Variants in CGN observed in about 807,000 individuals in gnomAD.
CGN encodes the protein cingulin.
CGN carries 121 observed loss-of-function variants against 157.1 expected under a neutral mutation model. That is an observed-to-expected ratio of 0.77 (90% CI 0.66 to 0.90). The LOEUF (loss-of-function observed/expected upper bound fraction) is 0.90, where lower values mean the gene tolerates loss of function less well. Ranked by LOEUF, CGN falls within the 40% of genes least tolerant of loss-of-function variation. The probability of loss-of-function intolerance (pLI) is 0.00; values close to 1 mark genes in which losing one functional copy is unlikely to be tolerated. For missense variants in CGN, 1,424 were observed against 1,520.9 expected, an observed-to-expected ratio of 0.94 and a Z score of 1.06; for synonymous variants, 535 against 607.5, an observed-to-expected ratio of 0.88 and a Z score of 1.76.
In CGN at chr1:151,535,673, T is replaced by A; in HGVS notation, c.3068T>A (p.Leu1023Ter). ...RQDLECDKISLERQNKDLKTR... is the reference protein window; with the variant it reads ...RQDLECDKIS ...GACCTGGAGTGTGACAAAATCTCCT[T>A]GGAGAGACAGGTGATGGGGGAGGGG... Residue 1023 changes from leucine to a stop codon, truncating the protein, a stop_gained, in exon 17 of 21, where the codon TTG (leucine) becomes TAG (stop). Transcript: ENST00000271636. LOFTEE classifies it high-confidence loss of function. 6.2e-7 allele frequency: 1 copy of A among 1,613,948 alleles called. No individual in the cohort carries two copies. The highest frequency in any genetic ancestry group is 8.5e-7 in the Non-Finnish European group (1 of 1,179,854).
At chr1:151,512,925 G>C (rs942408517) in intron 1 of CGN, among the ~76,000 whole-genome samples, 3 of 152,186 alleles carry the variant, frequency 2.0e-5, no homozygotes, top group African/African-American at 7.2e-5. Flanking sequence ...GGGGGTGTAG[G>C]GCTCTTCTCT....
chr1:151,517,252 C>T (rs950073846), intron 1 of CGN, among the ~76,000 whole-genome samples: 3 of 152,198 alleles, frequency 2.0e-5, no homozygotes, highest in African/African-American at 7.2e-5. Context: ...ATGTCCACTC[C>T]TTTCTGCTCT....
chr1:151,527,270 T>C (rs1664704642), intron 10 of CGN, among the ~76,000 whole-genome samples, 163 bp downstream of exon 10: 1 of 152,118 alleles, frequency 6.6e-6, no homozygotes, highest in Non-Finnish European at 1.5e-5. Flanking sequence ...GCAGCACCAG[T>C]CTCCTCATTG....
At chr1:151,521,056 T>C (rs1341768270) in intron 5 of CGN, among the ~76,000 whole-genome samples, 2 of 152,180 alleles carry the variant, frequency 1.3e-5, no homozygotes, top group African/African-American at 4.8e-5. Context: ...TTGAGTATAA[T>C]TTTGGTAGTA....
Position 151,530,755 on chromosome 1 carries a change from T to TG in CGN, c.2571+13dup. ...ACCGACTGAACAAGGAGGTGGGGCA[T>TG]GGGGTATTCTGGGCCTTTAGGAAGA... On this transcript the variant is annotated intron_variant, in intron 13 of 20. Coordinates refer to ENST00000271636, the MANE Select transcript of CGN (RefSeq NM_020770.3). 1 of 1,551,270 alleles carries TG rather than the reference T, an allele frequency of 6.4e-7. No homozygotes were observed. The highest frequency in any genetic ancestry group is 8.7e-7 in the Non-Finnish European group (1 of 1,146,870).
chr1:151,528,275 C>T (rs1454621712), intron 10 of CGN, among the ~76,000 whole-genome samples: 1 of 152,030 alleles, frequency 6.6e-6, no homozygotes, highest in Non-Finnish European at 1.5e-5. Context: ...GCGTGAGCCA[C>T]CGCACCCAGC....
In CGN at chr1:151,512,442, C is replaced by T. The variant is rs188926919; in HGVS notation, c.-15+927C>T. Among the ~76,000 whole-genome samples the T allele has an allele frequency of 3.1e-4, 47 of 152,290 alleles. 1 individual carries two copies. The highest frequency in any genetic ancestry group is 1.2e-3 in the Admixed American group (18 of 15,300). On this transcript the variant is annotated intron_variant, in intron 1 of 20. Transcript: ENST00000271636. The stretch of plus-strand genomic sequence containing the variant: ...ATCCCCATTACTCCCTGAACGCCCT[C>T]CAGGCATCCCTGACTCCTGAACTGC...
rs1281249953 is a variant in CGN at position 151,520,472 on chromosome 1, C to T, written c.1033C>T (p.Gln345Ter). The change falls in exon 4 of 21, where the codon CAG becomes TAG. Residue 345 changes from glutamine (Q) to a stop codon, truncating the protein, a stop_gained. Coordinates refer to ENST00000271636, the MANE Select transcript of CGN (RefSeq NM_020770.3). LOFTEE classifies it high-confidence loss of function. The stretch of plus-strand genomic sequence containing the variant: ...GGTTAGTTTGGTGCTGGAGAAGATG[C>T]AGCCTCTAGTGGTGAGTGGCCTTCT... ...RKVSLVLEKMQPLVMVSSGST... is the reference protein window; with the variant it reads ...RKVSLVLEKM 1.9e-6 allele frequency: 3 copies of T among 1,613,922 alleles called. No homozygotes were observed. Among genetic ancestry groups the T allele is most frequent in the Non-Finnish European group, 1.7e-6 (2 of 1,179,874 alleles).
rs1664906484 is a variant in CGN at position 151,534,113 on chromosome 1, G to A, written c.2881G>A (p.Ala961Thr). Residue 961 changes from alanine (A) to threonine (T), a missense_variant, in exon 15 of 21, where the codon GCC becomes ACC. By Grantham distance (58) the Ala-to-Thr change is moderately conservative. Around this residue, in one of 3 missense-constraint regions of CGN, gnomAD observed 199 missense variants for 272.2 expected, o/e 0.73. Transcript: ENST00000271636. ...ENKKRSQDDR[A>T]RQLKGLEEKV... ...CAAGAAGCGTTCCCAGGACGACAGG[G>A]CCCGGCAGCTGAAGGGTCTCGAGGT... is the stretch of plus-strand genomic sequence containing the variant. 6.2e-7 allele frequency: 1 copy of A among 1,600,994 alleles called. No individual in the cohort carries two copies. The highest frequency in any genetic ancestry group is 8.5e-7 in the Non-Finnish European group (1 of 1,173,558).
intron 16 of CGN, 133 bp downstream of exon 16, chr1:151,535,264 T>C (rs1571671644): frequency 1.4e-6 from 1 of 716,368 alleles, no homozygotes; most frequent in South Asian, 1.8e-5. Context: ...TCCTTCAGGG[T>C]TTTGTCTGCT....
chr1:151,520,270 A>T lies in CGN; in HGVS notation c.974+4A>T, dbSNP rs376534912. 7.3e-5 allele frequency: 118 copies of T among 1,610,980 alleles called. No homozygotes were observed. The highest frequency in any genetic ancestry group is 9.7e-5 in the Non-Finnish European group (114 of 1,177,942). On this transcript the variant is annotated splice_donor_region_variant and intron_variant, in intron 3 of 20. Coordinates refer to ENST00000271636, the MANE Select transcript of CGN (RefSeq NM_020770.3). ...TCTATGGCATCCTGAGGGAGGGGTGAGTGGGGGCCCCCCCAACAACAGAGG... is the reference window on the plus strand; with the variant it reads ...TCTATGGCATCCTGAGGGAGGGGTGTGTGGGGGCCCCCCCAACAACAGAGG...
intron 16 of CGN, 37 bp from the exon 17 acceptor site, chr1:151,535,563 C>T (rs376679033): frequency 2.1e-5 from 32 of 1,527,698 alleles, no homozygotes; most frequent in Non-Finnish European, 2.6e-5. Context: ...CATCCTTAGC[C>T]CTCCCCAAGT....
At chr1:151,535,423 C>T (rs1664947208) in intron 16 of CGN, among the ~76,000 whole-genome samples, 177 bp from the exon 17 acceptor site, 1 of 152,136 alleles carries the variant, frequency 6.6e-6, no homozygotes, top group Admixed American at 6.5e-5. Flanking sequence ...ACGAAGGAGG[C>T]TCTGTTTGCA....
rs761010408 is a variant in CGN at position 151,537,428 on chromosome 1, G to A, written c.*82G>A. On this transcript the variant is annotated 3_prime_UTR_variant, in exon 21 of 21. Transcript: ENST00000271636. ...CTCTGCTCTGCCCACCCTGGGTTCT[G>A]CATTCCTATGGGTGACCCAATTATT... The A allele has an allele frequency of 1.5e-6, 2 of 1,297,862 alleles. No homozygotes were observed. The highest frequency in any genetic ancestry group is 2.1e-6 in the Non-Finnish European group (2 of 934,236). 80.4% of individuals were successfully genotyped at this position (1,297,862 alleles called of 1,614,324 possible).
In CGN at chr1:151,520,191, G is replaced by A. The variant is rs759480796; in HGVS notation, c.899G>A (p.Arg300Gln). Residue 300 changes from arginine to glutamine, a missense_variant, in exon 3 of 21, where the codon CGA becomes CAA. This residue lies in a region of CGN where 1,187 missense variants were observed against 1,217.6 expected (regional missense o/e 0.97). Transcript: ENST00000271636. Reference sequence around the variant, plus strand: ...TTCAAATCAACTCCAGACCTCCTTCGAGACCAGCAGGAGGCAGCCCCACCA... The same window carrying A: ...TTCAAATCAACTCCAGACCTCCTTCAAGACCAGCAGGAGGCAGCCCCACCA... The part of the protein sequence containing the change: ...LQFKSTPDLL[R>Q]DQQEAAPPGS... The A allele has an allele frequency of 2.4e-5, 38 of 1,610,886 alleles. 1 individual carries two copies. Among genetic ancestry groups the A allele is most frequent in the South Asian group, 2.1e-4 (19 of 90,968 alleles).
At position 151,518,735 on chromosome 1, in the gene CGN, G is replaced by C; in HGVS notation, c.216G>C (p.Glu72Asp). The C allele has an allele frequency of 6.2e-7, 1 of 1,614,196 alleles. No homozygotes were observed. The highest frequency in any genetic ancestry group is 1.3e-5 in the African/African-American group (1 of 75,046). ...GQPFVVLNSGEKGGDSFGVQI... is the reference protein window; with the variant it reads ...GQPFVVLNSGDKGGDSFGVQI... ...CCTTTGTGGTGCTCAACAGTGGGGAGAAAGGCGGTGACTCCTTTGGGGTCC... is the reference window on the plus strand; with the variant it reads ...CCTTTGTGGTGCTCAACAGTGGGGACAAAGGCGGTGACTCCTTTGGGGTCC... The change falls in exon 2 of 21, where the codon GAG becomes GAC. Residue 72 changes from glutamate to aspartate, a missense_variant. By Grantham distance (45) the Glu-to-Asp change is conservative (BLOSUM62 2). Transcript: ENST00000271636.
In CGN at chr1:151,524,168, A is replaced by G; in HGVS notation, c.1269-58A>G. 1 of 1,385,210 alleles carries G rather than the reference A, an allele frequency of 7.2e-7. No individual in the cohort carries two copies. The highest frequency in any genetic ancestry group is 1.0e-6 in the Non-Finnish European group (1 of 1,003,908). The allele number at this position is 1,385,210 out of a possible 1,614,324, so 85.8% of individuals were successfully genotyped here. A position where few individuals can be genotyped will look rare whatever the true frequency, so the allele number is the denominator to read the frequency against. On this transcript the variant is annotated intron_variant, in intron 6 of 20. Transcript: ENST00000271636. This position sits in a 1 kb window ranked among gnomAD's most constrained non-coding sequence, Gnocchi z 4.4. ...CATTAATAAATATGAATTAAAATAT[A>G]TGATGCGTTTAGAGAACTGCCTGAC...
intron 16 of CGN, 76 bp downstream of exon 16, chr1:151,535,207 C>G (rs767901510): frequency 2.7e-6 from 3 of 1,117,376 alleles, no homozygotes; most frequent in Non-Finnish European, 4.0e-6. Context: ...CAACTCTACC[C>G]TCCCATCTTT....
Position 151,511,940 on chromosome 1 carries a change from C to T in CGN, c.-15+425C>T, listed in dbSNP as rs1023888421. 5.3e-5 allele frequency among the ~76,000 whole-genome samples: 8 copies of T among 152,244 alleles called. No individual in the cohort carries two copies. The highest frequency in any genetic ancestry group is 1.9e-4 in the African/African-American group (8 of 41,542). Reference sequence around the variant, plus strand: ...GGGGAGGGCATCTGCAGGTGCTGCTCGCCTGAGGGTCTTTCCTGCGTCCTG... The same window carrying T: ...GGGGAGGGCATCTGCAGGTGCTGCTTGCCTGAGGGTCTTTCCTGCGTCCTG... On this transcript the variant is annotated intron_variant, in intron 1 of 20. Coordinates refer to ENST00000271636, the MANE Select transcript of CGN (RefSeq NM_020770.3). This position sits in a 1 kb window ranked among gnomAD's most constrained non-coding sequence, Gnocchi z 4.8.
Sources: allele counts gnomAD v4.1 joint callset (sites outside exome capture counted in the v4.1 genomes callset), GRCh38; gene constraint gnomAD v4.1.1; regional missense constraint gnomAD v4.1.1; non-coding constraint Gnocchi (gnomAD v3.1); transcripts MANE v1.5; gene names NCBI Gene and HGNC (gene_info 2026-07-23, HGNC 2026-07-21).